Variants in RHBDD1 observed in about 807,000 individuals in gnomAD.
RHBDD1 encodes rhomboid-related protein 4.
RHBDD1 carries 38 observed loss-of-function variants against 36.3 expected under a neutral mutation model. The observed-to-expected ratio is 1.05, with a 90% CI of 0.81 to 1.37. The LOEUF is 1.37. RHBDD1 is among the 40% of genes most tolerant of loss of function. RHBDD1 has a pLI of 0.00. For synonymous variants in RHBDD1, 151 were observed against 136.5 expected, an observed-to-expected ratio of 1.11 and a Z score of -0.74; for missense variants, 393 against 377.6, an observed-to-expected ratio of 1.04 and a Z score of -0.34.
In RHBDD1 at chr2:226,995,832, GA is replaced by G; in HGVS notation, c.*311del. The G allele has an allele frequency of 3.0e-6, 1 of 335,930 alleles. No individual in the cohort carries two copies. Among genetic ancestry groups the G allele is most frequent in the Non-Finnish European group, 5.4e-6 (1 of 185,796 alleles). 20.8% of individuals were successfully genotyped at this position (335,930 alleles called of 1,614,324 possible). On this transcript the variant is annotated 3_prime_UTR_variant, in exon 9 of 9. Coordinates refer to ENST00000392062, the MANE Select transcript of RHBDD1 (RefSeq NM_001167608.3). ...GCCTCTGCCTCGGTCTGCTTTTGAA[GA>G]CTGTGACCTTCACCAGGAGGTTTTA...
At chr2:226,879,805 G>C (rs567990478) in intron 5 of RHBDD1, among the ~76,000 whole-genome samples, 1 of 152,260 alleles carries the variant, frequency 6.6e-6, no homozygotes, top group East Asian at 1.9e-4. Context: ...TCTTAGAAGA[G>C]AAACCTCCTT....
intron 5 of RHBDD1, among the ~76,000 whole-genome samples, chr2:226,879,979 T>C (rs998662058): frequency 2.0e-5 from 3 of 152,174 alleles, no homozygotes; most frequent in African/African-American, 7.2e-5. Flanking sequence ...TATGTCAATT[T>C]ATTGTGTTAT....
chr2:226,802,503 A>G, the RHBDD1 span, among the ~76,000 whole-genome samples: 11 of 152,358 alleles, frequency 7.2e-5, no homozygotes, highest in Middle Eastern at 3.4e-3. Flanking sequence ...CATGTAATAT[A>G]TAGAATAGAA....
the RHBDD1 span, among the ~76,000 whole-genome samples, chr2:226,805,547 T>A: frequency 6.6e-6 from 1 of 152,236 alleles, no homozygotes; most frequent in Non-Finnish European, 1.5e-5. Context: ...AAGTGTTATA[T>A]CTAGATAAGC....
At chr2:226,894,647 G>T (rs1014507027) in intron 5 of RHBDD1, among the ~76,000 whole-genome samples, 1 of 152,092 alleles carries the variant, frequency 6.6e-6, no homozygotes, top group Non-Finnish European at 1.5e-5. Context: ...TTGTGATTGT[G>T]TGTTTGTATA....
At chr2:226,988,415 G>A in intron 8 of RHBDD1, 1 of 1,550,508 alleles carries the variant, frequency 6.4e-7, no homozygotes, top group Non-Finnish European at 8.7e-7. Context: ...CAGATGCCTG[G>A]GAAGCCTGAA....
chr2:226,880,467 G>A (rs754238119), intron 5 of RHBDD1, among the ~76,000 whole-genome samples: 8 of 152,204 alleles, frequency 5.3e-5, no homozygotes, highest in Non-Finnish European at 1.2e-4. Context: ...CCAAAACAAT[G>A]ATTCCCTTGA....
chr2:226,823,478 C>A, the RHBDD1 span, among the ~76,000 whole-genome samples: 2 of 152,188 alleles, frequency 1.3e-5, no homozygotes, highest in African/African-American at 4.8e-5. Flanking sequence ...TTGAATACTG[C>A]CAACTTAAAA....
intron 5 of RHBDD1, among the ~76,000 whole-genome samples, chr2:226,893,814 A>C (rs948174326): frequency 6.6e-6 from 1 of 152,176 alleles, no homozygotes; most frequent in African/African-American, 2.4e-5. Context: ...CACAGCTTAC[A>C]GGACAGACCT....
chr2:226,924,459 G>C (rs141169194), intron 8 of RHBDD1, among the ~76,000 whole-genome samples: 48 of 152,138 alleles, frequency 3.2e-4, no homozygotes, highest in Non-Finnish European at 4.7e-4. Flanking sequence ...CCAGAGCTGC[G>C]AGTTGCAGTG....
intron 8 of RHBDD1, among the ~76,000 whole-genome samples, chr2:226,970,899 A>T (rs1205079500): frequency 6.6e-6 from 1 of 152,130 alleles, no homozygotes; most frequent in Non-Finnish European, 1.5e-5. Flanking sequence ...GTGGACTTTT[A>T]CTTTTGAAAG....
At chr2:226,821,872 A>G in the RHBDD1 span, among the ~76,000 whole-genome samples, 5 of 151,880 alleles carry the variant, frequency 3.3e-5, no homozygotes, top group Admixed American at 2.6e-4. Context: ...TTTTTTTCTA[A>G]TATGCTATTT....
intron 6 of RHBDD1, among the ~76,000 whole-genome samples, chr2:226,907,285 A>G (rs1263717090): frequency 6.6e-6 from 1 of 152,178 alleles, no homozygotes; most frequent in East Asian, 1.9e-4. Flanking sequence ...ACTGAAGTGC[A>G]TGGCCAGTAT....
chr2:226,842,837 A>G (rs945172735), intron 3 of RHBDD1, among the ~76,000 whole-genome samples: 9 of 152,332 alleles, frequency 5.9e-5, no homozygotes, highest in African/African-American at 2.2e-4. Flanking sequence ...TTTAATGGGA[A>G]TAGCATTAAA....
chr2:226,960,240 G>A (rs1239684979), intron 8 of RHBDD1, among the ~76,000 whole-genome samples: 1 of 152,164 alleles, frequency 6.6e-6, no homozygotes, highest in Non-Finnish European at 1.5e-5. Context: ...CACTTGCTAT[G>A]GTCAGTCTTT....
chr2:226,934,250 C>T (rs1432896950), intron 8 of RHBDD1, among the ~76,000 whole-genome samples: 2 of 152,054 alleles, frequency 1.3e-5, no homozygotes, highest in African/African-American at 4.8e-5. Flanking sequence ...CAGAAACATG[C>T]TATAGAGGTT....
At chr2:226,992,193 G>T (rs1375015188) in intron 8 of RHBDD1, among the ~76,000 whole-genome samples, 1 of 152,214 alleles carries the variant, frequency 6.6e-6, no homozygotes, top group African/African-American at 2.4e-5. Flanking sequence ...AAGACAGAGT[G>T]TACCTGAGAC....
At chr2:226,844,285 C>G (rs924761128) in intron 3 of RHBDD1, among the ~76,000 whole-genome samples, 1 of 152,016 alleles carries the variant, frequency 6.6e-6, no homozygotes, top group Admixed American at 6.5e-5. Flanking sequence ...TGCCCCCCGC[C>G]CCCCGGCCCC....
intron 5 of RHBDD1, among the ~76,000 whole-genome samples, chr2:226,904,909 A>G (rs1947915310): frequency 6.6e-5 from 10 of 152,070 alleles, no homozygotes; most frequent in Admixed American, 6.6e-4. Flanking sequence ...CTGAACATCT[A>G]GTGGTTTTAA....
Sources: allele counts gnomAD v4.1 joint callset (sites outside exome capture counted in the v4.1 genomes callset), GRCh38; gene constraint gnomAD v4.1.1; transcripts MANE v1.5; gene names NCBI Gene and HGNC (gene_info 2026-07-23, HGNC 2026-07-21).